The following DBNL variants were observed in gnomAD, a reference collection of about 807,000 sequenced individuals.
The protein encoded by DBNL is drebrin-like protein.
In DBNL, 35 loss-of-function variants were observed where a neutral mutation model predicts 62.2. That is an observed-to-expected ratio of 0.56 (90% CI 0.43 to 0.75). The LOEUF (loss-of-function observed/expected upper bound fraction) is 0.75, where lower values mean the gene tolerates loss of function less well. DBNL is among the 30% of genes least tolerant of loss of function. The pLI, the probability that DBNL is intolerant of heterozygous loss-of-function variation, is 0.00. For missense variants in DBNL, 495 were observed against 578.4 expected, an observed-to-expected ratio of 0.86 and a Z score of 1.48; for synonymous variants, 197 against 218.0, an observed-to-expected ratio of 0.90 and a Z score of 0.85.
rs2096163715 is a variant in DBNL at position 44,068,427 on chromosome 7, G to A, written c.*7511G>A. The A allele has an allele frequency of 6.6e-6, 1 of 152,272 alleles. No homozygotes were observed. The highest frequency in any genetic ancestry group is 2.4e-5 in the African/African-American group (1 of 41,466). 9.4% of individuals were successfully genotyped at this position (152,272 alleles called of 1,614,324 possible). On this transcript the variant is annotated 3_prime_UTR_variant, in exon 13 of 13. Transcript: ENST00000448521. ...CCCTAGATGCACATTGCAGGTCCCAGACTGACCGGTGTAGATACAGGACTA... is the reference window on the plus strand; with the variant it reads ...CCCTAGATGCACATTGCAGGTCCCAAACTGACCGGTGTAGATACAGGACTA...
Position 44,066,203 on chromosome 7 carries a change from A to ATGCTCCCACCCTATC in DBNL, c.*5291_*5305dup, listed in dbSNP as rs2096159657. 1 of 161,142 alleles carries ATGCTCCCACCCTATC rather than the reference A, an allele frequency of 6.2e-6. No individual in the cohort carries two copies. The highest frequency in any genetic ancestry group is 1.6e-4 in the South Asian group (1 of 6,210). The allele number at this position is 161,142 out of a possible 1,614,324, so 10.0% of individuals were successfully genotyped here. A position where few individuals can be genotyped will look rare whatever the true frequency, so the allele number is the denominator to read the frequency against. On this transcript the variant is annotated 3_prime_UTR_variant, in exon 13 of 13. Transcript: ENST00000448521. Reference sequence around the variant, plus strand: ...TCAAGGTCTCATCCATACATGCCCCATGCTCCCACCCTATCTGCCCTCACC... The same window carrying ATGCTCCCACCCTATC: ...TCAAGGTCTCATCCATACATGCCCCATGCTCCCACCCTATCTGCTCCCACCCTATCTGCCCTCACC...
chr7:44,052,055 A>G (rs747424553), intron 3 of DBNL, 113 bp downstream of exon 3: 106 of 826,490 alleles, frequency 1.3e-4, no homozygotes, highest in Non-Finnish European at 2.0e-4. Context: ...TAGTAGATCA[A>G]TAGAACAGCT....
intron 4 of DBNL, among the ~76,000 whole-genome samples, chr7:44,053,676 ATT>A (rs1249202688): frequency 1.3e-4 from 18 of 140,882 alleles, no homozygotes; most frequent in South Asian, 2.3e-4. Context: ...CAGAATCTGA[ATT>A]TTTTTTTTTT....
Position 44,062,639 on chromosome 7 carries a change from A to C in DBNL, c.*1723A>C. 1 of 929,876 alleles carries C rather than the reference A, an allele frequency of 1.1e-6. No individual in the cohort carries two copies. The allele number at this position is 929,876 out of a possible 1,614,324, so 57.6% of individuals were successfully genotyped here. On this transcript the variant is annotated 3_prime_UTR_variant, in exon 13 of 13. Coordinates refer to ENST00000448521, the MANE Select transcript of DBNL (RefSeq NM_001014436.3). ...TGGTGACACACGTATGGAGTGGGGG[A>C]GGGTGGGTGGCTGCACCCCTGGTTC... is the stretch of plus-strand genomic sequence containing the variant.
chr7:44,057,161 C>T (rs957102251), intron 5 of DBNL, among the ~76,000 whole-genome samples: 19 of 152,256 alleles, frequency 1.2e-4, no homozygotes, highest in African/African-American at 4.3e-4. Flanking sequence ...GGAGGCTCTG[C>T]AGCATGCATG....
In DBNL at chr7:44,063,066, C is replaced by T; in HGVS notation, c.*2150C>T. 1.1e-6 allele frequency: 1 copy of T among 932,570 alleles called. No individual in the cohort carries two copies. 57.8% of individuals were successfully genotyped at this position (932,570 alleles called of 1,614,324 possible). On this transcript the variant is annotated 3_prime_UTR_variant, in exon 13 of 13. Transcript: ENST00000448521. ...CTTCCCAGCCCTGAGAACGAGGCCA[C>T]AGAAATGTTGCCAAAGGTCAAGGAG...
In DBNL at chr7:44,044,753, A is replaced by G; in HGVS notation, c.16A>G (p.Ser6Gly). ...GGGGCGGGCCATGGCGGCGAACCTG[A>G]GCCGGAACGGGCCAGCGCTGCAAGA... MAANL[S>G]RNGPALQEAY... Residue 6 changes from serine (S) to glycine (G), a missense_variant, in exon 1 of 13, where the codon AGC becomes GGC. Physicochemically the swap from Ser to Gly is moderately conservative, Grantham distance 56. Coordinates refer to ENST00000448521, the MANE Select transcript of DBNL (RefSeq NM_001014436.3). 6.6e-7 allele frequency: 1 copy of G among 1,508,092 alleles called. No homozygotes were observed. The highest frequency in any genetic ancestry group is 2.1e-5 in the Admixed American group (1 of 46,768). 93.4% of individuals were successfully genotyped at this position (1,508,092 alleles called of 1,614,324 possible). A position where few individuals can be genotyped will look rare whatever the true frequency, so the allele number is the denominator to read the frequency against.
intron 1 of DBNL, 142 bp downstream of exon 1, chr7:44,044,962 C>T (rs1023354421): frequency 3.1e-5 from 22 of 699,950 alleles, no homozygotes; most frequent in African/African-American, 9.5e-5. Context: ...ACCTGTCTGC[C>T]CCTCCACACC....
Position 44,056,778 on chromosome 7 carries a change from G to A in DBNL, c.349G>A (p.Ala117Thr), listed in dbSNP as rs2096137235. Residue 117 changes from alanine (A) to threonine (T), a missense_variant, in exon 5 of 13, where the codon GCA becomes ACA. Ala to Thr is a moderately conservative substitution (Grantham distance 58). Transcript: ENST00000448521. ...FLKGAHVTIN[A>T]RAEEDVEPEC... Reference sequence around the variant, plus strand: ...GCAGGGGGCCCATGTGACCATCAACGCACGGGCCGAGGAGGATGTGGAGCC... The same window carrying A: ...GCAGGGGGCCCATGTGACCATCAACACACGGGCCGAGGAGGATGTGGAGCC... The A allele has an allele frequency of 1.7e-5, 27 of 1,613,948 alleles. No individual in the cohort carries two copies. The highest frequency in any genetic ancestry group is 2.2e-5 in the Non-Finnish European group (26 of 1,180,006).
In DBNL at chr7:44,059,563, G is replaced by A; in HGVS notation, c.952G>A (p.Ala318Thr). 2 of 1,612,662 alleles carry A rather than the reference G, an allele frequency of 1.2e-6. No individual in the cohort carries two copies. Among genetic ancestry groups the A allele is most frequent in the South Asian group, 1.1e-5 (1 of 91,020 alleles). ...PRADLPAEEP[A>T]PSTPPCLVQA... ...TGCAGATCTCCCTGCTGAGGAGCCG[G>A]CGCCCAGCACTCCTCCATGTCTGGT... The change falls in exon 11 of 13, where the codon GCG (alanine) becomes ACG (threonine). Residue 318 changes from alanine (A) to threonine (T), a missense_variant. Ala to Thr is a moderately conservative substitution (Grantham distance 58). Transcript: ENST00000448521. This position sits in a 1 kb window ranked among gnomAD's most constrained non-coding sequence, Gnocchi z 4.1.
chr7:44,053,584 GA>G (rs2096130311), intron 4 of DBNL, among the ~76,000 whole-genome samples: 1 of 152,018 alleles, frequency 6.6e-6, no homozygotes, highest in African/African-American at 2.4e-5. Flanking sequence ...TCCTTTATCT[GA>G]AATGCTTAGG....
intron 1 of DBNL, among the ~76,000 whole-genome samples, chr7:44,045,708 G>C (rs762244128): frequency 2.6e-5 from 4 of 152,244 alleles, no homozygotes; most frequent in Admixed American, 6.5e-5. Context: ...ATCTCCACTT[G>C]TGTAAGTGCT....
chr7:44,058,655 A>G (rs577516657), intron 8 of DBNL, 175 bp downstream of exon 8: 170 of 967,330 alleles, frequency 1.8e-4, no homozygotes, highest in Non-Finnish European at 2.5e-4. Context: ...CAAAGGCGGA[A>G]GCGTCGGGCT....
Position 44,044,749 on chromosome 7 carries a change from C to T in DBNL, c.12C>T (p.Asn4=), listed in dbSNP as rs565775126. The T allele has an allele frequency of 1.4e-4, 215 of 1,507,926 alleles. No individual in the cohort carries two copies. In the African/African-American group the frequency reaches 2.6e-3, roughly 18 times the overall value. 93.4% of individuals were successfully genotyped at this position (1,507,926 alleles called of 1,614,324 possible). The change falls in exon 1 of 13, where the codon AAC becomes AAT. Residue 4 remains asparagine (N), a synonymous_variant. Transcript: ENST00000448521. MAA[N]LSRNGPALQE... The stretch of plus-strand genomic sequence containing the variant: ...CTGCGGGGCGGGCCATGGCGGCGAA[C>T]CTGAGCCGGAACGGGCCAGCGCTGC...
chr7:44,055,972 A>C (rs974650980), intron 4 of DBNL, among the ~76,000 whole-genome samples: 5 of 152,042 alleles, frequency 3.3e-5, no homozygotes, highest in African/African-American at 9.7e-5. Context: ...GTCTTAACCC[A>C]AAAAAAATCT....
chr7:44,058,119 C>G lies in DBNL; in HGVS notation c.553-10C>G. On this transcript the variant is annotated splice_polypyrimidine_tract_variant and intron_variant, in intron 6 of 12. Coordinates refer to ENST00000448521, the MANE Select transcript of DBNL (RefSeq NM_001014436.3). ...GCATAGGGCTGAGCGGGCAGTGGCT[C>G]TCCCTGCAGAAGGAGGAGGAGAACC... 8 of 1,553,402 alleles carry G rather than the reference C, an allele frequency of 5.1e-6. No individual in the cohort carries two copies. Among genetic ancestry groups the G allele is most frequent in the Non-Finnish European group, 7.0e-6 (8 of 1,148,554 alleles).
In DBNL at chr7:44,059,744, A is replaced by G. The variant is rs2096144779; in HGVS notation, c.1047+86A>G. ...CGGGCCGCCTGAGTTTTCTGGGGGCATGCAACAGGTTTTAAAGCACATGCA... is the reference window on the plus strand; with the variant it reads ...CGGGCCGCCTGAGTTTTCTGGGGGCGTGCAACAGGTTTTAAAGCACATGCA... On this transcript the variant is annotated intron_variant, in intron 11 of 12. Transcript: ENST00000448521. The surrounding 1 kb of genome is among the most constrained non-coding windows in gnomAD (Gnocchi z 4.1). 1 of 1,295,016 alleles carries G rather than the reference A, an allele frequency of 7.7e-7. No homozygotes were observed. Among genetic ancestry groups the G allele is most frequent in the Non-Finnish European group, 1.1e-6 (1 of 945,548 alleles). The allele number at this position is 1,295,016 out of a possible 1,614,324, so 80.2% of individuals were successfully genotyped here.
chr7:44,064,727 C>A lies in DBNL; in HGVS notation c.*3811C>A, dbSNP rs977668031. On this transcript the variant is annotated 3_prime_UTR_variant, in exon 13 of 13. Coordinates refer to ENST00000448521, the MANE Select transcript of DBNL (RefSeq NM_001014436.3). ...TTTTTCAGTGAATGATGTGGAGCCC[C>A]ACGCCTAGAAAGCCTGGTCCATGGG... 1 of 997,656 alleles carries A rather than the reference C, an allele frequency of 1.0e-6. No individual in the cohort carries two copies. The highest frequency in any genetic ancestry group is 1.6e-5 in the African/African-American group (1 of 62,744). 61.8% of individuals were successfully genotyped at this position (997,656 alleles called of 1,614,324 possible).
intron 2 of DBNL, chr7:44,050,526 G>A: frequency 2.5e-6 from 1 of 401,842 alleles, no homozygotes. Context: ...AGGGAAACAG[G>A]CCTCTCCAGC....
Sources: allele counts gnomAD v4.1 joint callset (sites outside exome capture counted in the v4.1 genomes callset), GRCh38; gene constraint gnomAD v4.1.1; non-coding constraint Gnocchi (gnomAD v3.1); transcripts MANE v1.5; gene names NCBI Gene and HGNC (gene_info 2026-07-23, HGNC 2026-07-21).